CPM: variants seen among roughly 807,000 people sequenced by gnomAD.
CPM encodes the protein carboxypeptidase M.
CPM carries 35 observed loss-of-function variants against 46.4 expected under a neutral mutation model. That is an observed-to-expected ratio of 0.75 (90% CI 0.58 to 1.00). CPM has a LOEUF of 1.00. Among genes scored for constraint, CPM ranks in the 50% least tolerant of loss-of-function variants. The probability of loss-of-function intolerance (pLI) is 0.00; values close to 1 mark genes in which losing one functional copy is unlikely to be tolerated. For missense variants in CPM, 422 were observed against 530.4 expected (o/e 0.80, Z 2.01); for synonymous variants, 195 against 195.3 (o/e 1.00, Z 0.01).
chr12:68,943,917 G>A (rs1483500181), intron 1 of CPM, among the ~76,000 whole-genome samples: 1 of 151,220 alleles, frequency 6.6e-6, no homozygotes, highest in African/African-American at 2.4e-5. Context: ...TGCCATCTTT[G>A]TTAATACCCT....
upstream of CPM, among the ~76,000 whole-genome samples, chr12:68,937,731 T>C (rs1203860887): frequency 1.3e-5 from 2 of 152,200 alleles, no homozygotes; most frequent in Non-Finnish European, 2.9e-5. Flanking sequence ...ACATGCTGAG[T>C]GCAAATCCAC....
At chr12:68,946,369 TG>T (rs1261893387) in intron 1 of CPM, among the ~76,000 whole-genome samples, 1 of 152,204 alleles carries the variant, frequency 6.6e-6, no homozygotes, top group Non-Finnish European at 1.5e-5. Context: ...TTTAAAAAAT[TG>T]GCTTTGCTGG....
intron 3 of CPM, among the ~76,000 whole-genome samples, chr12:68,874,341 C>T (rs996874637): frequency 1.3e-5 from 2 of 151,900 alleles, no homozygotes; most frequent in Middle Eastern, 6.8e-3. Flanking sequence ...AGGGGCTGGG[C>T]GTGGAGGCTT....
At chr12:68,921,288 C>A (rs917928400) in intron 2 of CPM, among the ~76,000 whole-genome samples, 4 of 151,704 alleles carry the variant, frequency 2.6e-5, no homozygotes, top group African/African-American at 7.3e-5. Context: ...ATTACAGGCA[C>A]CTGCCACCAT....
Position 68,870,373 on chromosome 12 carries a change from T to C in CPM, c.458A>G (p.Asn153Ser). ...GRENYNQYDL[N>S]RNFPDAFEYN... ...TTCAAAAGCATCGGGGAAATTTCGA[T>C]TCAAGTCATACTGGTTATAATTTTC... Residue 153 changes from asparagine (N) to serine (S), a missense_variant, in exon 5 of 9, where the codon AAT becomes AGT. Coordinates refer to ENST00000551568, the MANE Select transcript of CPM (RefSeq NM_198320.5). The C allele has an allele frequency of 6.2e-7, 1 of 1,614,160 alleles. No individual in the cohort carries two copies. Among genetic ancestry groups the C allele is most frequent in the Non-Finnish European group, 8.5e-7 (1 of 1,179,996 alleles).
At chr12:68,929,346 C>T (rs1019413119) in intron 2 of CPM, among the ~76,000 whole-genome samples, 1 of 152,092 alleles carries the variant, frequency 6.6e-6, no homozygotes, top group Non-Finnish European at 1.5e-5. Flanking sequence ...TGATTATGTG[C>T]CAGGCATCCT....
At chr12:68,920,186 C>A (rs1887975781) in intron 2 of CPM, among the ~76,000 whole-genome samples, 1 of 152,188 alleles carries the variant, frequency 6.6e-6, no homozygotes, top group African/African-American at 2.4e-5. Flanking sequence ...GATGCTGGGG[C>A]CACGCTTGTG....
At chr12:68,944,128 A>C (rs960049580) in intron 1 of CPM, among the ~76,000 whole-genome samples, 2 of 152,224 alleles carry the variant, frequency 1.3e-5, no homozygotes, top group African/African-American at 4.8e-5. Flanking sequence ...TTATAAATAT[A>C]CTCAGACAAT....
At chr12:68,876,753 T>C (rs1205600256) in intron 3 of CPM, among the ~76,000 whole-genome samples, 1 of 151,974 alleles carries the variant, frequency 6.6e-6, no homozygotes. Context: ...TTCAGTCAAG[T>C]TGGAATTTGC....
intron 1 of CPM, among the ~76,000 whole-genome samples, chr12:68,950,669 C>T (rs7315129): frequency 0.032 from 4,891 of 152,274 alleles, 271 homozygotes; most frequent in African/African-American, 0.11. Context: ...GCAGCTGGGT[C>T]CACCAGCCCT....
chr12:68,871,556 A>T (rs997507646), intron 4 of CPM: 28 of 532,564 alleles, frequency 5.3e-5, no homozygotes, highest in African/African-American at 4.7e-4. Context: ...GTGGCAAATG[A>T]AGATGGAGAG....
chr12:68,871,968 A>G lies in CPM; in HGVS notation c.259-12T>C. 4 of 1,613,890 alleles carry G rather than the reference A, an allele frequency of 2.5e-6. No individual in the cohort carries two copies. Among genetic ancestry groups the G allele is most frequent in the Non-Finnish European group, 3.4e-6 (4 of 1,179,924 alleles). On this transcript the variant is annotated splice_polypyrimidine_tract_variant and intron_variant, in intron 3 of 8. Transcript: ENST00000551568. ...TCCCGCCCAACAGTCTATATGTGTTAAAGAGAAAAGAGGACATTATTAGGT... is the reference window on the plus strand; with the variant it reads ...TCCCGCCCAACAGTCTATATGTGTTGAAGAGAAAAGAGGACATTATTAGGT...
At chr12:68,905,426 A>C (rs1887303654) in intron 2 of CPM, among the ~76,000 whole-genome samples, 1 of 151,634 alleles carries the variant, frequency 6.6e-6, no homozygotes, top group Non-Finnish European at 1.5e-5. Flanking sequence ...GACTGCAGGC[A>C]CATACCACCA....
At chr12:68,868,372 T>C (rs1426953287) in intron 6 of CPM, among the ~76,000 whole-genome samples, 3 of 152,124 alleles carry the variant, frequency 2.0e-5, no homozygotes, top group African/African-American at 7.2e-5. Flanking sequence ...TTGTGAAAGA[T>C]TACCTGAAAG....
intron 2 of CPM, among the ~76,000 whole-genome samples, chr12:68,886,586 C>T (rs185224480): frequency 3.2e-3 from 491 of 152,238 alleles, no homozygotes; most frequent in African/African-American, 0.011. Context: ...GAGCCAAGAT[C>T]GCGCCACTGC....
At chr12:68,949,987 T>G (rs1285503700) in intron 1 of CPM, among the ~76,000 whole-genome samples, 1 of 152,110 alleles carries the variant, frequency 6.6e-6, no homozygotes, top group East Asian at 1.9e-4. Flanking sequence ...ATTGGGCGAA[T>G]GAAGATTATG....
At chr12:68,878,778 C>A (rs185209218) in intron 3 of CPM, among the ~76,000 whole-genome samples, 2 of 152,182 alleles carry the variant, frequency 1.3e-5, no homozygotes, top group African/African-American at 4.8e-5. Context: ...GCAAAATGAA[C>A]CTGTTGGGCA....
intron 2 of CPM, among the ~76,000 whole-genome samples, chr12:68,922,321 T>G (rs1372541167): frequency 6.6e-6 from 1 of 152,262 alleles, no homozygotes; most frequent in Non-Finnish European, 1.5e-5. Flanking sequence ...TGTGTTTGAA[T>G]AACTGTCAAT....
Position 68,932,672 on chromosome 12 carries a change from C to T in CPM, c.160+6G>A, listed in dbSNP as rs376098153. The T allele has an allele frequency of 3.1e-6, 5 of 1,613,934 alleles. No homozygotes were observed. Among genetic ancestry groups the T allele is most frequent in the Non-Finnish European group, 4.2e-6 (5 of 1,179,842 alleles). On this transcript the variant is annotated splice_donor_region_variant and intron_variant, in intron 2 of 8. Transcript: ENST00000551568. ...TTTGGCAAAGTGTTCACGAGACGGA[C>T]CCTACCTTTCACAGATTTCCCAATA...
Sources: allele counts gnomAD v4.1 joint callset (sites outside exome capture counted in the v4.1 genomes callset), GRCh38; gene constraint gnomAD v4.1.1; transcripts MANE v1.5; gene names NCBI Gene and HGNC (gene_info 2026-07-23, HGNC 2026-07-21).